GALP: variants seen among roughly 807,000 people sequenced by gnomAD.
GALP encodes the protein galanin like peptide.
A neutral mutation model predicts 15.2 loss-of-function variants in GALP; 12 were observed. The ratio of observed to expected loss-of-function variants is 0.79; its 90% CI spans 0.51 to 1.28. The LOEUF is 1.28. Among genes scored for constraint, GALP ranks in the 50% most tolerant of loss-of-function variants. The pLI is 0.00. For synonymous variants in GALP, 58 were observed against 55.1 expected (o/e 1.05, Z -0.23); for missense variants, 161 against 145.6 (o/e 1.11, Z -0.55).
At chr19:56,180,528 T>C (rs779923313) in intron 2 of GALP, 58 bp from the exon 3 acceptor site, 2 of 1,461,458 alleles carry the variant, frequency 1.4e-6, no homozygotes, top group Non-Finnish European at 1.9e-6. Context: ...CCCGGACCTG[T>C]GGGACGCCTG....
rs57387977 is a variant in GALP at position 56,177,180 on chromosome 19, C to T, written c.72C>T (p.Ser24=). 5.4e-4 allele frequency: 876 copies of T among 1,613,312 alleles called. 3 individuals are homozygous for T. The African/African-American group carries it at 0.01, about 19-fold the overall frequency. The change falls in exon 2 of 6, where the codon TCC becomes TCT. Residue 24 remains serine (S), a synonymous_variant. Coordinates refer to ENST00000357330, the MANE Select transcript of GALP (RefSeq NM_033106.4). ...LLLSLAETPA[S]APAHRGRGGW... ...TGAGCCTGGCAGAGACTCCAGCATC[C>T]GCACCTGCCCACCGGGTAACGCCTC...
At chr19:56,179,142 G>A (rs772036809) in intron 2 of GALP, among the ~76,000 whole-genome samples, 5 of 152,158 alleles carry the variant, frequency 3.3e-5, no homozygotes, top group Admixed American at 6.5e-5. Flanking sequence ...GCACCACTGC[G>A]CTTCAGCCTG....
chr19:56,178,897 G>A lies in GALP; in HGVS notation c.88-1689G>A, dbSNP rs570904682. 1.2e-4 allele frequency among the ~76,000 whole-genome samples: 18 copies of A among 152,300 alleles called. No individual in the cohort carries two copies. The South Asian group carries it at 2.9e-3, about 25-fold the overall frequency. The stretch of plus-strand genomic sequence containing the variant: ...CTTAAGAGTCTGGAATCTACCGGCC[G>A]GGCACGGTGGCTCACGCCTGCAATC... On this transcript the variant is annotated intron_variant, in intron 2 of 5. Coordinates refer to ENST00000357330, the MANE Select transcript of GALP (RefSeq NM_033106.4).
At chr19:56,177,218 G>A (rs1265663428) in intron 2 of GALP, 23 bp downstream of exon 2, 6 of 1,585,450 alleles carry the variant, frequency 3.8e-6, no homozygotes, top group East Asian at 2.2e-5. Flanking sequence ...TAAGTTCCTC[G>A]GAAACAACAG....
At chr19:56,177,595 A>T (rs2032488330) in intron 2 of GALP, among the ~76,000 whole-genome samples, 1 of 151,822 alleles carries the variant, frequency 6.6e-6, no homozygotes, top group Middle Eastern at 3.2e-3. Context: ...GCTTCAAGTG[A>T]TCCACCCGCC....
chr19:56,182,104 ATGGACG>A, intron 3 of GALP, 62 bp from the exon 4 acceptor site: 19 of 1,127,892 alleles, frequency 1.7e-5, no homozygotes, highest in Non-Finnish European at 2.6e-5. Context: ...TGTTGAATTG[ATGGACG>A]ATGTGTTTCT....
intron 4 of GALP, among the ~76,000 whole-genome samples, chr19:56,182,493 G>GTT (rs947125868): frequency 6.6e-5 from 10 of 152,152 alleles, no homozygotes; most frequent in Admixed American, 4.6e-4. Flanking sequence ...TGGGCCCCGT[G>GTT]TTTTCTCTGC....
intron 4 of GALP, among the ~76,000 whole-genome samples, 170 bp from the exon 5 acceptor site, chr19:56,182,965 A>G (rs1450014364): frequency 6.6e-6 from 1 of 152,134 alleles, no homozygotes; most frequent in Non-Finnish European, 1.5e-5. Flanking sequence ...CCAGGTACTA[A>G]GCCGAGTACC....
intron 5 of GALP, among the ~76,000 whole-genome samples, chr19:56,183,735 T>C (rs556947357): frequency 1.4e-4 from 21 of 152,184 alleles, no homozygotes; most frequent in South Asian, 6.2e-4. Context: ...GTAGCTGGGA[T>C]TACAGGCACG....
intron 3 of GALP, among the ~76,000 whole-genome samples, chr19:56,181,386 C>T (rs1201457626): frequency 3.2e-4 from 45 of 141,660 alleles, no homozygotes; most frequent in African/African-American, 1.1e-3. Flanking sequence ...TTCTTTGTCT[C>T]TCTCTCTCCT....
intron 5 of GALP, among the ~76,000 whole-genome samples, chr19:56,183,690 C>T (rs190571841): frequency 1.3e-5 from 2 of 152,170 alleles, no homozygotes; most frequent in East Asian, 1.9e-4. Flanking sequence ...CTCCACCTTC[C>T]GTGTTCAAGC....
chr19:56,180,259 G>A (rs951999283), intron 2 of GALP, among the ~76,000 whole-genome samples: 2 of 152,158 alleles, frequency 1.3e-5, no homozygotes, highest in African/African-American at 4.8e-5. Context: ...CTGTGGGCAC[G>A]ATGTTGTGCC....
chr19:56,182,928 C>T (rs545425086), intron 4 of GALP, among the ~76,000 whole-genome samples: 94 of 152,120 alleles, frequency 6.2e-4, no homozygotes, highest in African/African-American at 2.1e-3. Context: ...GTGTCACGGG[C>T]GTTTGTTGTA....
At chr19:56,180,912 TTTC>T (rs1267964609) in intron 3 of GALP, among the ~76,000 whole-genome samples, 3,349 of 53,214 alleles carry the variant, frequency 0.063, 165 homozygotes, top group East Asian at 0.37. Context: ...TCTTTCTTTC[TTTC>T]TTTTTTTTTT....
intron 2 of GALP, among the ~76,000 whole-genome samples, chr19:56,178,521 C>CAAAAAAAAAAAAAA (rs80223966): frequency 2.8e-4 from 24 of 85,760 alleles, no homozygotes; most frequent in South Asian, 1.5e-3. Flanking sequence ...ACAACAACAA[C>CAAAAAAAAAAAAAA]AAAAAAAAAA....
chr19:56,179,156 G>A (rs2032517647), intron 2 of GALP, among the ~76,000 whole-genome samples: 1 of 152,116 alleles, frequency 6.6e-6, no homozygotes, highest in African/African-American at 2.4e-5. Flanking sequence ...CAGCCTGGGT[G>A]GCAGAGTGAG....
chr19:56,176,961 T>C, intron 1 of GALP, 109 bp from the exon 2 acceptor site: 2 of 608,644 alleles, frequency 3.3e-6, no homozygotes, highest in Admixed American at 5.6e-5. Context: ...TGCGCCATTT[T>C]TGTATCTCGA....
intron 2 of GALP, among the ~76,000 whole-genome samples, chr19:56,179,062 A>G (rs2032516304): frequency 6.6e-6 from 1 of 151,962 alleles, no homozygotes; most frequent in South Asian, 2.1e-4. Flanking sequence ...CTGTAAGCCC[A>G]GCTGCTCAGG....
intron 5 of GALP, among the ~76,000 whole-genome samples, chr19:56,183,660 C>T (rs778467848): frequency 2.8e-4 from 42 of 152,190 alleles, no homozygotes; most frequent in Admixed American, 1.2e-3. Flanking sequence ...TGCAATGGTG[C>T]GATCTTGGCT....
Sources: gnomAD v4.1 joint callset for allele counts (sites outside exome capture counted in the v4.1 genomes callset) on GRCh38, gnomAD v4.1.1 for gene constraint, MANE v1.5 for transcripts, NCBI Gene and HGNC (gene_info 2026-07-23, HGNC 2026-07-21) for gene names.